Variants in LUZP2 observed in about 807,000 individuals in gnomAD.
The protein encoded by LUZP2 is leucine zipper protein 2.
In LUZP2, 52 loss-of-function variants were observed where a neutral mutation model predicts 51.6. The ratio of observed to expected loss-of-function variants is 1.01; its 90% confidence interval spans 0.81 to 1.27. The LOEUF (loss-of-function observed/expected upper bound fraction) is 1.27. LUZP2 is among the 50% of genes most tolerant of loss of function. The pLI is 0.00. For missense variants in LUZP2, 436 were observed against 395.4 expected, an observed-to-expected ratio of 1.10 and a Z score of -0.87; for synonymous variants, 154 against 137.3, an observed-to-expected ratio of 1.12 and a Z score of -0.85.
intron 1 of LUZP2, among the ~76,000 whole-genome samples, chr11:24,663,776 G>T (rs191632644): frequency 6.6e-6 from 1 of 152,150 alleles, no homozygotes; most frequent in South Asian, 2.1e-4. Context: ...TGCTATTCTC[G>T]TGCTAGTAAG....
At chr11:24,983,340 G>A (rs925896492) in intron 9 of LUZP2, 47 bp downstream of exon 9, 8 of 1,577,036 alleles carry the variant, frequency 5.1e-6, no homozygotes, top group African/African-American at 1.4e-5. Flanking sequence ...CAAGTAATGT[G>A]TTGTCTTTAA....
Position 24,536,205 on chromosome 11 carries a change from T to C in LUZP2, c.62+38900T>C, listed in dbSNP as rs918853762. On this transcript the variant is annotated intron_variant, in intron 1 of 11. Transcript: ENST00000336930. The stretch of plus-strand genomic sequence containing the variant: ...GATTTAGCATACCTCTTAAGGGCCA[T>C]GAGATTTTTGAAATGGTCAGTGAAC... 3.3e-5 allele frequency among the ~76,000 whole-genome samples: 5 copies of C among 151,694 alleles called. No homozygotes were observed. In the Admixed American group the frequency reaches 3.3e-4, roughly 10 times the overall value.
At chr11:25,024,476 A>G (rs1857426669) in intron 9 of LUZP2, among the ~76,000 whole-genome samples, 1 of 152,168 alleles carries the variant, frequency 6.6e-6, no homozygotes, top group Non-Finnish European at 1.5e-5. Flanking sequence ...AATGTGCAAA[A>G]ATCACAAGCA....
chr11:24,552,619 T>C (rs1590172174), intron 1 of LUZP2, among the ~76,000 whole-genome samples: 1 of 151,974 alleles, frequency 6.6e-6, no homozygotes, highest in East Asian at 1.9e-4. Flanking sequence ...AGTTGATAGA[T>C]ACAAGATCAG....
chr11:24,826,175 C>CAAAAA (rs10625331), intron 5 of LUZP2, among the ~76,000 whole-genome samples: 8 of 60,110 alleles, frequency 1.3e-4, no homozygotes, highest in South Asian at 8.5e-4. Flanking sequence ...GACTCCATCT[C>CAAAAA]AAAAAAAAAA....
chr11:24,826,844 A>C (rs1307401275), intron 5 of LUZP2, among the ~76,000 whole-genome samples: 2 of 152,166 alleles, frequency 1.3e-5, no homozygotes, highest in African/African-American at 4.8e-5. Context: ...ATACAGCATG[A>C]TTTAAAGTAG....
At chr11:24,656,928 C>T (rs1855826569) in intron 1 of LUZP2, among the ~76,000 whole-genome samples, 1 of 152,132 alleles carries the variant, frequency 6.6e-6, no homozygotes, top group South Asian at 2.1e-4. Context: ...ATGTCTGTAA[C>T]TTTATTGCAT....
intron 7 of LUZP2, among the ~76,000 whole-genome samples, chr11:24,924,599 T>G (rs184957200): frequency 2.0e-5 from 3 of 152,326 alleles, no homozygotes; most frequent in Non-Finnish European, 2.9e-5. Context: ...TTTAGAAGTT[T>G]ATTTTGCCAA....
intron 1 of LUZP2, among the ~76,000 whole-genome samples, chr11:24,674,029 C>A (rs553961056): frequency 1.2e-4 from 19 of 152,242 alleles, no homozygotes; most frequent in East Asian, 7.7e-4. Flanking sequence ...ATTAATGAAA[C>A]TATTTTTTAT....
chr11:24,734,963 A>T (rs1419954784), intron 3 of LUZP2, among the ~76,000 whole-genome samples: 1 of 151,722 alleles, frequency 6.6e-6, no homozygotes, highest in Non-Finnish European at 1.5e-5. Flanking sequence ...CTTTTATGTG[A>T]CTCTGAAACC....
intron 1 of LUZP2, among the ~76,000 whole-genome samples, chr11:24,644,878 C>T (rs927569268): frequency 3.3e-5 from 5 of 152,098 alleles, no homozygotes; most frequent in East Asian, 3.8e-4. Context: ...AAAGTGAAGG[C>T]CATAATTTTT....
intron 1 of LUZP2, among the ~76,000 whole-genome samples, chr11:24,588,553 C>T (rs1272905195): frequency 7.9e-5 from 12 of 151,992 alleles, no homozygotes; most frequent in Non-Finnish European, 1.5e-5. Context: ...ACATTTAAGC[C>T]ATCAGGGAAA....
At chr11:24,755,452 C>T (rs1435588386) in intron 4 of LUZP2, among the ~76,000 whole-genome samples, 1 of 152,078 alleles carries the variant, frequency 6.6e-6, no homozygotes, top group Non-Finnish European at 1.5e-5. Flanking sequence ...CTTGGTTTCC[C>T]CTAAAGGCCT....
chr11:24,606,799 T>C (rs1853933734), intron 1 of LUZP2, among the ~76,000 whole-genome samples: 1 of 152,074 alleles, frequency 6.6e-6, no homozygotes, highest in South Asian at 2.1e-4. Context: ...CTCCACCTAC[T>C]TGCCAAAACT....
At chr11:24,630,758 G>A (rs1220430292) in intron 1 of LUZP2, among the ~76,000 whole-genome samples, 1 of 149,996 alleles carries the variant, frequency 6.7e-6, no homozygotes. Context: ...TATTGATAGA[G>A]TTTGCACCGA....
At chr11:24,892,949 A>C (rs1014279012) in intron 5 of LUZP2, 2 of 152,206 alleles carry the variant, frequency 1.3e-5, no homozygotes, top group East Asian at 1.9e-4. Context: ...GGTTTTCAAG[A>C]GTCCCAAAAC....
At chr11:24,897,673 C>A (rs1301753386) in intron 5 of LUZP2, among the ~76,000 whole-genome samples, 1 of 152,188 alleles carries the variant, frequency 6.6e-6, no homozygotes, top group Non-Finnish European at 1.5e-5. Context: ...GTAACACTCA[C>A]TGTGAGCGAC....
In LUZP2 at chr11:25,053,303, A is replaced by G. The variant is rs186719661; in HGVS notation, c.858+3173A>G. 2.0e-5 allele frequency among the ~76,000 whole-genome samples: 3 copies of G among 152,234 alleles called. No homozygotes were observed. The East Asian group carries it at 5.8e-4, about 29-fold the overall frequency. The stretch of plus-strand genomic sequence containing the variant: ...AGATATTTTTGGTTAACTTTTTTCT[A>G]TTTACTTCTGAACAGAAGAGATTGG... On this transcript the variant is annotated intron_variant, in intron 10 of 11. Transcript: ENST00000336930.
chr11:25,045,118 T>TAATTGGTGTGCTA (rs1202499596), intron 9 of LUZP2, among the ~76,000 whole-genome samples: 12 of 149,108 alleles, frequency 8.0e-5, no homozygotes, highest in African/African-American at 3.0e-4. Flanking sequence ...AATGACGAGT[T>TAATTGGTGTGCTA]AATGGGTGCA....
Sources: allele counts gnomAD v4.1 joint callset (sites outside exome capture counted in the v4.1 genomes callset), GRCh38; gene constraint gnomAD v4.1.1; transcripts MANE v1.5; gene names NCBI Gene and HGNC (gene_info 2026-07-23, HGNC 2026-07-21).